CD99L2: variants seen among roughly 807,000 people sequenced by gnomAD.
CD99L2 encodes CD99 antigen-like protein 2.
A neutral mutation model predicts 27.3 loss-of-function variants in CD99L2; 24 were observed. The observed-to-expected ratio is 0.88, with a 90% CI of 0.64 to 1.24. The LOEUF (loss-of-function observed/expected upper bound fraction) is 1.24. CD99L2 is among the 50% of genes most tolerant of loss of function. The probability of loss-of-function intolerance (pLI) is 0.00; values close to 1 mark genes in which losing one functional copy is unlikely to be tolerated. For synonymous variants in CD99L2, 97 were observed against 87.9 expected (o/e 1.10, Z -0.58); for missense variants, 255 against 221.6 (o/e 1.15, Z -0.96).
chrX:150,835,518 T>C (rs1216406864), intron 1 of CD99L2, among the ~76,000 whole-genome samples: 1 of 111,437 alleles, frequency 9.0e-6, no homozygotes, highest in East Asian at 2.8e-4. Flanking sequence ...TGAGGCCCTG[T>C]CTGTAAAAAG....
At chrX:150,854,762 C>G (rs1215775342) in intron 1 of CD99L2, among the ~76,000 whole-genome samples, 1 of 111,265 alleles carries the variant, frequency 9.0e-6, no homozygotes, top group Non-Finnish European at 1.9e-5. Flanking sequence ...ACCCTGCCAA[C>G]ACCTTGACCT....
chrX:150,875,173 T>C (rs1347945420), intron 1 of CD99L2, among the ~76,000 whole-genome samples: 1 of 112,128 alleles, frequency 8.9e-6, no homozygotes, highest in Non-Finnish European at 1.9e-5. Context: ...TATTATTTAA[T>C]TGAAATTTTT....
chrX:150,829,647 A>G (rs1557421012), intron 2 of CD99L2: 1 of 252,161 alleles, frequency 4.0e-6, no homozygotes, highest in East Asian at 1.1e-4. Context: ...GGATTTCAAT[A>G]CACATTAAAT....
At chrX:150,862,540 C>T (rs953105447) in intron 1 of CD99L2, among the ~76,000 whole-genome samples, 18 of 112,368 alleles carry the variant, frequency 1.6e-4, no homozygotes, top group African/African-American at 5.8e-4. Context: ...TGAGTTTAGC[C>T]AGTGAGACCC....
At chrX:150,769,131 T>C in intron 10 of CD99L2, 30 bp from the exon 11 acceptor site, 1 of 1,154,608 alleles carries the variant, frequency 8.7e-7, no homozygotes, top group South Asian at 2.0e-5. Context: ...TCAGAAGGAA[T>C]TCTGCTCTGT....
At chrX:150,816,155 G>A in intron 2 of CD99L2, 77 bp from the exon 3 acceptor site, 2 of 983,211 alleles carry the variant, frequency 2.0e-6, no homozygotes, top group Non-Finnish European at 2.9e-6. Flanking sequence ...ACTTGGGGAA[G>A]TCACATTGTG....
rs1237728101 is a variant in CD99L2, at chrX:150,776,044, C to G, written c.655+130G>C. ...GATTTCCAAAACTGTTGCCTCCACC[C>G]CCGTCCCAGGAAGTCTGCTTGGGAG... On this transcript the variant is annotated intron_variant, in intron 9 of 10. Transcript: ENST00000370377. The G allele has an allele frequency of 3.4e-6, 3 of 895,361 alleles. No individual in the cohort carries two copies. In the South Asian group the frequency reaches 7.6e-5, roughly 23 times the overall value. The allele number at this position is 895,361 out of a possible 1,213,427, so 73.8% of individuals were successfully genotyped here.
rs1329808510 is a variant in CD99L2 at position 150,767,892 on chromosome X, G to A, written c.*1142C>T. 1 of 111,668 alleles carries A rather than the reference G, an allele frequency of 9.0e-6. No individual in the cohort carries two copies. Among genetic ancestry groups the A allele is most frequent in the African/African-American group, 3.3e-5 (1 of 30,685 alleles). The allele number at this position is 111,668 out of a possible 1,213,427, so 9.2% of individuals were successfully genotyped here. ...TATGTGGGCCAAAGGAACATTCCAGGAAACCAGCTCTGCTCCAGCCCAAAC... is the reference window on the plus strand; with the variant it reads ...TATGTGGGCCAAAGGAACATTCCAGAAAACCAGCTCTGCTCCAGCCCAAAC... On this transcript the variant is annotated 3_prime_UTR_variant, in exon 11 of 11. Coordinates refer to ENST00000370377, the MANE Select transcript of CD99L2 (RefSeq NM_031462.4).
chrX:150,834,549 T>C (rs1285724383), intron 1 of CD99L2, among the ~76,000 whole-genome samples: 1 of 112,307 alleles, frequency 8.9e-6, no homozygotes, highest in Admixed American at 9.4e-5. Context: ...TTACATCTGT[T>C]AGAATGGCTA....
intron 2 of CD99L2, among the ~76,000 whole-genome samples, chrX:150,821,064 C>A (rs1557420655): frequency 8.9e-6 from 1 of 111,918 alleles, no homozygotes; most frequent in Non-Finnish European, 1.9e-5. Context: ...GATTACAAGA[C>A]TCAATACTGT....
rs1432504597 is a variant in CD99L2, at chrX:150,848,118, C to CA, written c.68-16826_68-16825insT. Among the ~76,000 whole-genome samples, 188 of 107,359 alleles carry CA rather than the reference C, an allele frequency of 1.8e-3. 3 individuals are homozygous for CA. Among genetic ancestry groups the CA allele is most frequent in the African/African-American group, 6.0e-3 (177 of 29,320 alleles). 93.2% of individuals were successfully genotyped at this position (107,359 alleles called of 115,157 possible). On this transcript the variant is annotated intron_variant, in intron 1 of 10. Transcript: ENST00000370377. Reference sequence around the variant, plus strand: ...CCTAACTATGGCCTGCAGGCCCCCCCCCCCTTGTACTATACCTCTCACAGT... The same window carrying CA: ...CCTAACTATGGCCTGCAGGCCCCCCCACCCCTTGTACTATACCTCTCACAGT...
chrX:150,870,401 C>T (rs781872339), intron 1 of CD99L2, among the ~76,000 whole-genome samples: 1 of 111,897 alleles, frequency 8.9e-6, no homozygotes. Flanking sequence ...ACAATGCCTT[C>T]ATGGTACTAA....
intron 7 of CD99L2, among the ~76,000 whole-genome samples, chrX:150,778,488 G>C (rs1366449200): frequency 9.8e-6 from 1 of 102,127 alleles, no homozygotes; most frequent in Non-Finnish European, 2.0e-5. Context: ...TAGTTGGGGA[G>C]GCTGTGCACA....
At chrX:150,817,724 G>A (rs1404770797) in intron 2 of CD99L2, among the ~76,000 whole-genome samples, 1 of 111,641 alleles carries the variant, frequency 9.0e-6, no homozygotes, top group African/African-American at 3.3e-5. Context: ...GTAGTGTCAT[G>A]TGCCTGTAGT....
intron 7 of CD99L2, among the ~76,000 whole-genome samples, chrX:150,782,063 A>G (rs1196024919): frequency 8.9e-6 from 1 of 111,945 alleles, no homozygotes; most frequent in African/African-American, 3.2e-5. Context: ...TGCCAAGGGC[A>G]TGGAGAGTAA....
intron 4 of CD99L2, among the ~76,000 whole-genome samples, chrX:150,806,256 G>C (rs782581433): frequency 5.4e-5 from 6 of 112,030 alleles, no homozygotes; most frequent in Non-Finnish European, 9.4e-5. Flanking sequence ...TGAGCATCAA[G>C]GTAATTTCGT....
chrX:150,830,111 C>T (rs933510333), intron 2 of CD99L2, among the ~76,000 whole-genome samples: 19 of 109,128 alleles, frequency 1.7e-4, no homozygotes, highest in Admixed American at 1.3e-3. Context: ...GCTGAGATTG[C>T]GCCACTACAC....
intron 7 of CD99L2, among the ~76,000 whole-genome samples, chrX:150,783,314 T>G (rs2045544284): frequency 9.0e-6 from 1 of 111,230 alleles, no homozygotes; most frequent in South Asian, 3.8e-4. Context: ...TCTCTCTATA[T>G]ATATAAAACC....
intron 4 of CD99L2, among the ~76,000 whole-genome samples, chrX:150,800,693 TA>T (rs1327387402): frequency 1.8e-5 from 2 of 110,913 alleles, no homozygotes; most frequent in African/African-American, 6.6e-5. Context: ...ATAATACAGT[TA>T]AAAATGGTTA....
Sources: gnomAD v4.1 joint callset for allele counts (sites outside exome capture counted in the v4.1 genomes callset) on GRCh38, gnomAD v4.1.1 for gene constraint, MANE v1.5 for transcripts, NCBI Gene and HGNC (gene_info 2026-07-23, HGNC 2026-07-21) for gene names.